Variants in EPHA5 observed in about 807,000 individuals in gnomAD.
EPHA5 encodes ephrin type-A receptor 5.
In EPHA5, 60 loss-of-function variants were observed where a neutral mutation model predicts 105.0. The observed-to-expected ratio is 0.57, with a 90% CI of 0.46 to 0.71. The LOEUF is 0.71. Ranked by LOEUF, EPHA5 falls within the 30% of genes least tolerant of loss-of-function variation. The pLI, the probability that EPHA5 is intolerant of heterozygous loss-of-function variation, is 0.00. For missense variants in EPHA5, 1,218 were observed against 1,274.7 expected, an observed-to-expected ratio of 0.96 and a Z score of 0.68; for synonymous variants, 513 against 449.1, an observed-to-expected ratio of 1.14 and a Z score of -1.80.
At chr4:65,537,664 C>A (rs1352636517) in intron 3 of EPHA5, among the ~76,000 whole-genome samples, 2 of 151,694 alleles carry the variant, frequency 1.3e-5, no homozygotes, top group Non-Finnish European at 3.0e-5. Flanking sequence ...AGAGACAATT[C>A]TGCATTTTTC....
chr4:65,493,207 C>G (rs1731589943), intron 4 of EPHA5, among the ~76,000 whole-genome samples: 1 of 151,992 alleles, frequency 6.6e-6, no homozygotes, highest in Middle Eastern at 3.4e-3. Context: ...TAACACGCAC[C>G]TACAAAAAAC....
intron 8 of EPHA5, among the ~76,000 whole-genome samples, chr4:65,398,650 C>A (rs1244106640): frequency 1.3e-5 from 2 of 152,176 alleles, no homozygotes; most frequent in Non-Finnish European, 2.9e-5. Context: ...CATAAAAACC[C>A]TGGACTCAGC....
chr4:65,558,288 C>T (rs916260654), intron 3 of EPHA5, among the ~76,000 whole-genome samples: 2 of 152,144 alleles, frequency 1.3e-5, no homozygotes, highest in Non-Finnish European at 2.9e-5. Flanking sequence ...TAACAGATCA[C>T]ACTTGCATCA....
intron 3 of EPHA5, among the ~76,000 whole-genome samples, chr4:65,533,382 C>A (rs1002846662): frequency 2.0e-5 from 3 of 151,798 alleles, no homozygotes; most frequent in African/African-American, 4.8e-5. Context: ...TATTATTATT[C>A]TTATTTTAAT....
intron 3 of EPHA5, among the ~76,000 whole-genome samples, chr4:65,582,660 AG>A (rs1224500748): frequency 1.3e-4 from 20 of 151,784 alleles, no homozygotes; most frequent in Admixed American, 7.9e-4. Flanking sequence ...CTGAGGAAAG[AG>A]GAAAAAAATG....
intron 2 of EPHA5, among the ~76,000 whole-genome samples, chr4:65,632,492 A>G (rs578062378): frequency 8.0e-4 from 121 of 151,600 alleles, no homozygotes; most frequent in African/African-American, 2.8e-3. Flanking sequence ...AGAAACTCCT[A>G]AATCCAAAGG....
At chr4:65,503,073 T>A (rs1256201833) in intron 3 of EPHA5, among the ~76,000 whole-genome samples, 2 of 151,636 alleles carry the variant, frequency 1.3e-5, no homozygotes, top group African/African-American at 2.4e-5. Context: ...TGTGTACCCA[T>A]GAACATAAAG....
At chr4:65,336,835 C>A (rs1369266093) in intron 14 of EPHA5, among the ~76,000 whole-genome samples, 3 of 151,992 alleles carry the variant, frequency 2.0e-5, no homozygotes, top group Non-Finnish European at 4.4e-5. Flanking sequence ...CATCAAAATA[C>A]CTAACTTAAG....
At chr4:65,397,777 G>C (rs1721393463) in intron 8 of EPHA5, among the ~76,000 whole-genome samples, 1 of 152,116 alleles carries the variant, frequency 6.6e-6, no homozygotes, top group Non-Finnish European at 1.5e-5. Flanking sequence ...GGGACCCTTA[G>C]ATAGGCCTCT....
chr4:65,579,981 T>C (rs1228906611), intron 3 of EPHA5, among the ~76,000 whole-genome samples: 1 of 151,926 alleles, frequency 6.6e-6, no homozygotes, highest in African/African-American at 2.4e-5. Flanking sequence ...TATTAATATT[T>C]GAGAAAATGT....
intron 8 of EPHA5, among the ~76,000 whole-genome samples, chr4:65,369,580 A>G (rs1411379652): frequency 2.0e-5 from 3 of 152,172 alleles, no homozygotes; most frequent in Non-Finnish European, 4.4e-5. Context: ...TTTGATATTA[A>G]GGGAATATAT....
At chr4:65,457,660 T>C (rs1727728376) in intron 5 of EPHA5, among the ~76,000 whole-genome samples, 1 of 151,936 alleles carries the variant, frequency 6.6e-6, no homozygotes, top group South Asian at 2.1e-4. Context: ...TTATTACTTT[T>C]TGGTCAATGA....
intron 5 of EPHA5, among the ~76,000 whole-genome samples, chr4:65,454,664 G>T (rs1421344758): frequency 6.6e-6 from 1 of 152,198 alleles, no homozygotes; most frequent in Non-Finnish European, 1.5e-5. Flanking sequence ...CAAAGTGGAT[G>T]AAACCAGTAT....
At chr4:65,442,412 C>G (rs1054953162) in intron 5 of EPHA5, among the ~76,000 whole-genome samples, 27 of 152,138 alleles carry the variant, frequency 1.8e-4, no homozygotes, top group African/African-American at 6.0e-4. Flanking sequence ...GCACATTGAC[C>G]TTGAACTTCC....
In EPHA5 at chr4:65,495,496, C is replaced by T. The variant is rs375878596; in HGVS notation, c.958G>A (p.Gly320Ser). ...FKASPHIQSC[G>S]KCPPHSYTHE... is the part of the protein sequence containing the mutation. The stretch of plus-strand genomic sequence containing the variant: ...GTATAACTGTGAGGTGGACATTTGC[C>T]GCAGCTCTGGATGTGAGGTGAGGCT... Residue 320 changes from glycine to serine, a missense_variant, in exon 4 of 17, where the codon GGC (glycine) becomes AGC (serine). This residue lies in a region of EPHA5 where 971 missense variants were observed against 1,013.5 expected (regional missense o/e 0.96). Transcript: ENST00000613740. 1.8e-5 allele frequency: 29 copies of T among 1,613,678 alleles called. No individual in the cohort carries two copies. Among genetic ancestry groups the T allele is most frequent in the African/African-American group, 8.0e-5 (6 of 74,888 alleles).
chr4:65,351,287 T>C (rs1722787282), intron 13 of EPHA5, 102 bp downstream of exon 13: 1 of 1,076,708 alleles, frequency 9.3e-7, no homozygotes, highest in East Asian at 2.4e-5. Context: ...CTCTTTCTTT[T>C]TGACTTTGTT....
At chr4:65,417,794 C>A (rs1256762539) in intron 6 of EPHA5, among the ~76,000 whole-genome samples, 5 of 152,028 alleles carry the variant, frequency 3.3e-5, no homozygotes, top group Admixed American at 6.5e-5. Context: ...CTCCTCCCTA[C>A]CACTTGTTGA....
At chr4:65,556,402 C>A (rs541572755) in intron 3 of EPHA5, among the ~76,000 whole-genome samples, 13 of 152,234 alleles carry the variant, frequency 8.5e-5, no homozygotes, top group Admixed American at 2.0e-4. Flanking sequence ...ATAGCCTCAA[C>A]ATGACTGTAT....
At chr4:65,641,745 T>G (rs150772031) in intron 2 of EPHA5, among the ~76,000 whole-genome samples, 1 of 152,044 alleles carries the variant, frequency 6.6e-6, no homozygotes, top group East Asian at 1.9e-4. Context: ...TACACTATGT[T>G]GAAGGAAACA....
Sources: gnomAD v4.1 joint callset for allele counts (sites outside exome capture counted in the v4.1 genomes callset) on GRCh38, gnomAD v4.1.1 for gene constraint, gnomAD v4.1.1 regional missense constraint, MANE v1.5 for transcripts, NCBI Gene and HGNC (gene_info 2026-07-23, HGNC 2026-07-21) for gene names.